Variants in SDK1 observed in about 807,000 individuals in gnomAD.
SDK1 encodes the protein protein sidekick-1.
A neutral mutation model predicts 245.5 loss-of-function variants in SDK1; 157 were observed. That is an observed-to-expected ratio of 0.64 (90% CI 0.56 to 0.73). The LOEUF is 0.73. Among genes scored for constraint, SDK1 ranks in the 30% least tolerant of loss-of-function variants. SDK1 has a pLI of 0.00. For missense variants in SDK1, 3,583 were observed against 3,002.3 expected (o/e 1.19, Z -4.52); for synonymous variants, 1,647 against 1,278.5 (o/e 1.29, Z -6.15).
chr7:3,801,842 T>C (rs977475177), intron 4 of SDK1, among the ~76,000 whole-genome samples: 2 of 152,176 alleles, frequency 1.3e-5, no homozygotes, highest in South Asian at 2.1e-4. Context: ...TCTCCCTGTT[T>C]TGTGATTCGA....
intron 4 of SDK1, among the ~76,000 whole-genome samples, chr7:3,659,304 T>C (rs887146662): frequency 6.6e-6 from 1 of 152,108 alleles, no homozygotes; most frequent in Non-Finnish European, 1.5e-5. Flanking sequence ...GTTCCTGTTC[T>C]CAGAATTTCC....
At chr7:4,245,845 C>A (rs555002439) in intron 44 of SDK1, 40 bp downstream of exon 44, 5 of 1,610,764 alleles carry the variant, frequency 3.1e-6, no homozygotes, top group Non-Finnish European at 4.2e-6. Context: ...GACCATCAGC[C>A]CCTACTTCTG....
At chr7:3,713,888 G>C (rs1785123929) in intron 4 of SDK1, among the ~76,000 whole-genome samples, 1 of 152,082 alleles carries the variant, frequency 6.6e-6, no homozygotes. Flanking sequence ...CGAGAGTCAG[G>C]AATCAGCAAA....
At chr7:3,437,565 A>C (rs991935812) in intron 1 of SDK1, among the ~76,000 whole-genome samples, 3 of 151,998 alleles carry the variant, frequency 2.0e-5, no homozygotes, top group Admixed American at 2.0e-4. Context: ...TGAGGTCAGG[A>C]GTTTGAGATC....
intron 1 of SDK1, among the ~76,000 whole-genome samples, chr7:3,331,815 C>T (rs1780076372): frequency 6.6e-6 from 1 of 151,946 alleles, no homozygotes; most frequent in Non-Finnish European, 1.5e-5. Flanking sequence ...TTAAGGCAGT[C>T]CCAATTAGTT....
intron 4 of SDK1, among the ~76,000 whole-genome samples, chr7:3,694,492 G>T (rs553618245): frequency 6.6e-6 from 1 of 152,102 alleles, no homozygotes; most frequent in Admixed American, 6.5e-5. Flanking sequence ...ATTCCAGGTA[G>T]TGAAATTAGA....
chr7:3,435,849 A>G (rs1315138123), intron 1 of SDK1, among the ~76,000 whole-genome samples: 1 of 152,110 alleles, frequency 6.6e-6, no homozygotes, highest in Non-Finnish European at 1.5e-5. Flanking sequence ...TTACTCTCAA[A>G]CTTATATTTC....
intron 1 of SDK1, among the ~76,000 whole-genome samples, chr7:3,575,997 T>C (rs1294075650): frequency 8.6e-5 from 13 of 151,986 alleles, no homozygotes; most frequent in Admixed American, 8.5e-4. Flanking sequence ...TCTTGTGAAA[T>C]ATGTTTGTTT....
intron 1 of SDK1, among the ~76,000 whole-genome samples, chr7:3,541,764 A>G (rs556476142): frequency 6.6e-6 from 1 of 152,334 alleles, no homozygotes; most frequent in African/African-American, 2.4e-5. Context: ...CTCCAATAAG[A>G]CATCACCCCA....
At chr7:3,918,397 A>G (rs974640034) in intron 5 of SDK1, among the ~76,000 whole-genome samples, 1 of 152,194 alleles carries the variant, frequency 6.6e-6, no homozygotes, top group Non-Finnish European at 1.5e-5. Context: ...TTCTCGTAAT[A>G]GCACGAACCC....
chr7:3,789,786 C>T (rs1781022373), intron 4 of SDK1, among the ~76,000 whole-genome samples: 1 of 152,102 alleles, frequency 6.6e-6, no homozygotes, highest in Non-Finnish European at 1.5e-5. Context: ...GCTTGTGAGA[C>T]CTTTGCAGGA....
At position 4,237,898 on chromosome 7, in the gene SDK1, G is replaced by A. The variant is rs1290709459; in HGVS notation, c.6130+114G>A. 8.6e-6 allele frequency: 11 copies of A among 1,276,742 alleles called. No homozygotes were observed. The African/African-American group carries it at 1.3e-4, about 15-fold the overall frequency. 79.1% of individuals were successfully genotyped at this position (1,276,742 alleles called of 1,614,324 possible). A position where few individuals can be genotyped will look rare whatever the true frequency, so the allele number is the denominator to read the frequency against. ...GTCTGCTTTTCCATTTCATTTGCTT[G>A]TAGGTGCTGAGAGAAATGCAATAGG... On this transcript the variant is annotated intron_variant, in intron 42 of 44. Transcript: ENST00000404826.
intron 1 of SDK1, among the ~76,000 whole-genome samples, chr7:3,554,337 A>G (rs1333857016): frequency 2.0e-5 from 3 of 152,218 alleles, no homozygotes; most frequent in Admixed American, 6.5e-5. Context: ...ACAACACACT[A>G]TTAAATAATA....
At chr7:4,046,350 T>C (rs1469217025) in intron 17 of SDK1, among the ~76,000 whole-genome samples, 6 of 152,200 alleles carry the variant, frequency 3.9e-5, no homozygotes. Flanking sequence ...TTTTCTTTTA[T>C]GGATTATGTC....
chr7:3,544,608 G>A (rs1779158682), intron 1 of SDK1, among the ~76,000 whole-genome samples: 1 of 152,224 alleles, frequency 6.6e-6, no homozygotes, highest in Admixed American at 6.5e-5. Flanking sequence ...AGTTCAACAT[G>A]AACGTCGACA....
chr7:3,519,978 G>C (rs912215362), intron 1 of SDK1, among the ~76,000 whole-genome samples: 4 of 152,160 alleles, frequency 2.6e-5, no homozygotes, highest in Admixed American at 6.6e-5. Flanking sequence ...GATTTTATTT[G>C]TGCATATGTT....
At chr7:4,080,905 C>G (rs763239809) in intron 22 of SDK1, among the ~76,000 whole-genome samples, 1 of 152,116 alleles carries the variant, frequency 6.6e-6, no homozygotes, top group Non-Finnish European at 1.5e-5. Flanking sequence ...CAGTCTTCAG[C>G]AAATGAAGAC....
At chr7:3,504,384 G>T (rs955973905) in intron 1 of SDK1, among the ~76,000 whole-genome samples, 4 of 151,858 alleles carry the variant, frequency 2.6e-5, no homozygotes, top group Admixed American at 1.3e-4. Context: ...GATCAAAGTT[G>T]GAGGACTCAT....
At chr7:3,934,044 G>C (rs149653897) in intron 5 of SDK1, among the ~76,000 whole-genome samples, 1 of 152,178 alleles carries the variant, frequency 6.6e-6, no homozygotes, top group African/African-American at 2.4e-5. Context: ...CCAGCCGCAC[G>C]GCATCCAGGC....
Sources: allele counts gnomAD v4.1 joint callset (sites outside exome capture counted in the v4.1 genomes callset), GRCh38; gene constraint gnomAD v4.1.1; transcripts MANE v1.5; gene names NCBI Gene and HGNC (gene_info 2026-07-23, HGNC 2026-07-21).